FAM13A: variants seen among roughly 807,000 people sequenced by gnomAD.
FAM13A encodes protein FAM13A.
Under a neutral mutation model 129.6 loss-of-function variants are expected in FAM13A, and 76 were observed. The ratio of observed to expected loss-of-function variants is 0.59; its 90% CI spans 0.49 to 0.71. FAM13A has a LOEUF of 0.71. Among genes scored for constraint, FAM13A ranks in the 30% least tolerant of loss-of-function variants. The pLI is 0.00. For missense variants in FAM13A, 1,108 were observed against 1,249.3 expected (o/e 0.89, Z 1.70); for synonymous variants, 443 against 449.9 (o/e 0.98, Z 0.20).
intron 8 of FAM13A, among the ~76,000 whole-genome samples, chr4:88,801,229 T>C (rs1216763148): frequency 1.3e-5 from 2 of 152,210 alleles, no homozygotes; most frequent in Admixed American, 6.5e-5. Context: ...TTAGCCAAAG[T>C]CATTTTTTTC....
chr4:88,946,976 A>G (rs186138575), intron 4 of FAM13A, among the ~76,000 whole-genome samples: 4 of 152,316 alleles, frequency 2.6e-5, no homozygotes, highest in Admixed American at 2.6e-4. Context: ...CACAACTGAA[A>G]GCAGCACTAT....
Position 88,991,146 on chromosome 4 carries a change from G to A in FAM13A, c.432C>T (p.Gly144=). The A allele has an allele frequency of 4.4e-6, 7 of 1,606,020 alleles. No homozygotes were observed. The highest frequency in any genetic ancestry group is 5.9e-6 in the Non-Finnish European group (7 of 1,176,480). The change falls in exon 4 of 24, where the codon GGC becomes GGT. Residue 144 remains glycine (G), a synonymous_variant. Transcript: ENST00000264344. The stretch of plus-strand genomic sequence containing the variant: ...AGCTACTCTCCTGAACATCATTTCT[G>A]CCATCTGGAAAAAAAAAGAATAAAA... ...QPRFIQLFQD[G]RNDVQESSLR... is the part of the protein sequence containing the mutation.
At chr4:88,730,185 A>G (rs1737359392) in intron 23 of FAM13A, 1 of 152,244 alleles carries the variant, frequency 6.6e-6, no homozygotes, top group South Asian at 2.1e-4. Flanking sequence ...ACATAGCTTC[A>G]GTAATCTGGG....
chr4:88,795,761 C>T (rs1726036381), intron 8 of FAM13A, among the ~76,000 whole-genome samples: 1 of 151,604 alleles, frequency 6.6e-6, no homozygotes, highest in Non-Finnish European at 1.5e-5. Context: ...ACTAAAAGTG[C>T]TTTTTTTGAT....
chr4:88,926,750 A>G (rs1167297306), intron 5 of FAM13A, among the ~76,000 whole-genome samples: 5 of 152,216 alleles, frequency 3.3e-5, no homozygotes, highest in African/African-American at 1.2e-4. Context: ...CAAACTATGA[A>G]GTAACTTTTA....
intron 6 of FAM13A, among the ~76,000 whole-genome samples, chr4:88,861,174 A>G (rs1223291827): frequency 6.6e-6 from 1 of 152,046 alleles, no homozygotes; most frequent in Non-Finnish European, 1.5e-5. Context: ...TGAGGTCAGG[A>G]GTTCGTGACC....
chr4:88,907,760 T>C (rs1368460978), intron 5 of FAM13A, among the ~76,000 whole-genome samples: 1 of 152,186 alleles, frequency 6.6e-6, no homozygotes, highest in Non-Finnish European at 1.5e-5. Context: ...TTAATACCTT[T>C]ATATATTACT....
rs11941615 is a variant in FAM13A at position 89,029,670 on chromosome 4, A to C, written c.28-21T>G. The C allele has an allele frequency of 2.9e-3, 4,610 of 1,569,440 alleles. 116 individuals are homozygous for C. In the African/African-American group the frequency reaches 0.056, roughly 19 times the overall value. The stretch of plus-strand genomic sequence containing the variant: ...CTTTGCTTAAAGGAGCGTAAGAAAA[A>C]AGAGCAGTCAGTCATATTTACCACA... On this transcript the variant is annotated intron_variant, in intron 1 of 23. Transcript: ENST00000264344.
intron 3 of FAM13A, among the ~76,000 whole-genome samples, chr4:89,014,065 C>T (rs1259141300): frequency 6.6e-6 from 1 of 152,116 alleles, no homozygotes; most frequent in East Asian, 1.9e-4. Context: ...GGGGTAGGTT[C>T]CAGCCACTCA....
At chr4:88,903,126 A>G (rs954024993) in intron 6 of FAM13A, among the ~76,000 whole-genome samples, 1 of 152,222 alleles carries the variant, frequency 6.6e-6, no homozygotes, top group African/African-American at 2.4e-5. Flanking sequence ...ATATAACAAC[A>G]TTCCATGCTC....
chr4:88,902,131 A>G (rs539272700), intron 6 of FAM13A, among the ~76,000 whole-genome samples: 36 of 152,244 alleles, frequency 2.4e-4, no homozygotes, highest in Admixed American at 2.1e-3. Flanking sequence ...CTACAACCAA[A>G]AAGAGCCCAG....
intron 4 of FAM13A, among the ~76,000 whole-genome samples, chr4:88,958,582 C>T (rs1297933533): frequency 6.6e-6 from 1 of 152,210 alleles, no homozygotes; most frequent in Non-Finnish European, 1.5e-5. Flanking sequence ...GGTCTGGCAG[C>T]CTCTGCCTAG....
intron 2 of FAM13A, among the ~76,000 whole-genome samples, chr4:89,024,849 A>C (rs1424764022): frequency 7.0e-6 from 1 of 143,426 alleles, no homozygotes; most frequent in East Asian, 1.9e-4. Context: ...GGCCTACCCG[A>C]GCTTGCCCAG....
intron 7 of FAM13A, among the ~76,000 whole-genome samples, chr4:88,819,792 C>G (rs1466267666): frequency 1.3e-5 from 2 of 152,048 alleles, no homozygotes; most frequent in Non-Finnish European, 2.9e-5. Flanking sequence ...TCATTATTAG[C>G]TATAAGTAGT....
rs192818319 is a variant in FAM13A at position 88,781,871 on chromosome 4, A to G, written c.1272-520T>C. On this transcript the variant is annotated intron_variant, in intron 10 of 23. Coordinates refer to ENST00000264344, the MANE Select transcript of FAM13A (RefSeq NM_014883.4). ...GGGGGGAGCGGGGAGGGATAGCATT[A>G]GGAGATATACCTAATGCTAAATGAC... 8.4e-3 allele frequency among the ~76,000 whole-genome samples: 1,281 copies of G among 151,602 alleles called. 14 individuals carry two copies. Among genetic ancestry groups the G allele is most frequent in the Non-Finnish European group, 0.012 (793 of 67,832 alleles).
At position 88,822,387 on chromosome 4, in the gene FAM13A, A is replaced by G. The variant is rs1732164138; in HGVS notation, c.1008-17335T>C. Among the ~76,000 whole-genome samples, 3 of 152,180 alleles carry G rather than the reference A, an allele frequency of 2.0e-5. No homozygotes were observed. The South Asian group carries it at 6.2e-4, about 32-fold the overall frequency. Reference sequence around the variant, plus strand: ...ACAATCTATATTATAATCACGAAGGAACAAAAACAGTCTTGCACTCAATCA... The same window carrying G: ...ACAATCTATATTATAATCACGAAGGGACAAAAACAGTCTTGCACTCAATCA... On this transcript the variant is annotated intron_variant, in intron 7 of 23. Coordinates refer to ENST00000264344, the MANE Select transcript of FAM13A (RefSeq NM_014883.4).
At chr4:88,987,849 A>AAAAAAAAAAAAAAC (rs1207687700) in intron 4 of FAM13A, among the ~76,000 whole-genome samples, 3 of 150,452 alleles carry the variant, frequency 2.0e-5, no homozygotes, top group African/African-American at 7.4e-5. Context: ...AAAAAAAAAA[A>AAAAAAAAAAAAAAC]AAAAAACTTA....
intron 7 of FAM13A, among the ~76,000 whole-genome samples, chr4:88,828,884 CA>C (rs1157184982): frequency 6.6e-6 from 1 of 152,164 alleles, no homozygotes; most frequent in Non-Finnish European, 1.5e-5. Context: ...AGATTCTATC[CA>C]AAACTTCTGA....
intron 6 of FAM13A, among the ~76,000 whole-genome samples, chr4:88,878,807 G>A (rs1435126467): frequency 1.3e-5 from 2 of 152,142 alleles, no homozygotes; most frequent in Non-Finnish European, 2.9e-5. Flanking sequence ...TAGTGTAGGG[G>A]ACTGAATAAA....
Sources: allele counts gnomAD v4.1 joint callset (sites outside exome capture counted in the v4.1 genomes callset), GRCh38; gene constraint gnomAD v4.1.1; transcripts MANE v1.5; gene names NCBI Gene and HGNC (gene_info 2026-07-23, HGNC 2026-07-21).